The following MED12L variants were observed in gnomAD, a reference collection of about 807,000 sequenced individuals.
MED12L encodes mediator of RNA polymerase II transcription subunit 12-like protein.
MED12L carries 60 observed loss-of-function variants against 281.3 expected under a neutral mutation model. The observed-to-expected ratio is 0.21, with a 90% CI of 0.17 to 0.26. The LOEUF (loss-of-function observed/expected upper bound fraction) is 0.26. Ranked by LOEUF, MED12L falls within the 10% of genes least tolerant of loss-of-function variation. The probability of loss-of-function intolerance (pLI) is 1.00; values close to 1 mark genes in which losing one functional copy is unlikely to be tolerated. For synonymous variants in MED12L, 974 were observed against 987.2 expected (o/e 0.99, Z 0.25); for missense variants, 2,146 against 2,680.9 (o/e 0.80, Z 4.41).
chr3:151,247,868 C>T (rs1252441677), intron 16 of MED12L, among the ~76,000 whole-genome samples: 4 of 151,464 alleles, frequency 2.6e-5, no homozygotes, highest in Admixed American at 2.6e-4. Context: ...AAAGCTCTGC[C>T]TTCCCTTAGT....
At chr3:151,374,770 T>A (rs1210363946) in intron 27 of MED12L, among the ~76,000 whole-genome samples, 1 of 152,186 alleles carries the variant, frequency 6.6e-6, no homozygotes, top group African/African-American at 2.4e-5. Context: ...TCCTTTCTTG[T>A]CCCCAGCTCT....
At chr3:151,380,308 T>A in intron 32 of MED12L, 84 bp downstream of exon 32, 1 of 931,742 alleles carries the variant, frequency 1.1e-6, no homozygotes, top group Non-Finnish European at 1.6e-6. Flanking sequence ...GAGATTAAAT[T>A]AATAAGGGCC....
At chr3:151,212,729 G>A (rs1727382065) in intron 16 of MED12L, 1 of 151,792 alleles carries the variant, frequency 6.6e-6, no homozygotes, top group Non-Finnish European at 1.5e-5. Flanking sequence ...TTCCTTTGCA[G>A]TGCCATGAAA....
chr3:151,107,852 G>A (rs911193287), intron 2 of MED12L, among the ~76,000 whole-genome samples: 5 of 152,056 alleles, frequency 3.3e-5, no homozygotes, highest in East Asian at 1.9e-4. Context: ...AGTCTCAATC[G>A]TAGGTAAGCC....
chr3:151,258,233 C>T (rs1210829365), intron 16 of MED12L, among the ~76,000 whole-genome samples: 1 of 152,124 alleles, frequency 6.6e-6, no homozygotes, highest in Non-Finnish European at 1.5e-5. Flanking sequence ...GGAACTAGCT[C>T]GGGCATAATC....
At chr3:151,222,656 T>C (rs946869176) in intron 16 of MED12L, among the ~76,000 whole-genome samples, 1 of 152,228 alleles carries the variant, frequency 6.6e-6, no homozygotes, top group African/African-American at 2.4e-5. Flanking sequence ...CCAGTAAACC[T>C]CTTTCTTTTG....
chr3:151,208,162 A>G (rs1349206562), intron 16 of MED12L, among the ~76,000 whole-genome samples: 1 of 152,226 alleles, frequency 6.6e-6, no homozygotes, highest in Non-Finnish European at 1.5e-5. Context: ...TTAGCCAGAT[A>G]TGAACTACAC....
intron 16 of MED12L, among the ~76,000 whole-genome samples, chr3:151,299,457 C>A (rs1745607482): frequency 8.4e-6 from 1 of 118,884 alleles, no homozygotes; most frequent in East Asian, 3.0e-4. Context: ...TTTTCTATTT[C>A]CTCTCTCTCT....
chr3:151,384,120 T>A lies in MED12L; in HGVS notation c.4828T>A (p.Leu1610Ile). ...AACAGTTCTTGACATGCTGGGTGTTTTAATCAATGGAACGTTAGCCTCTGA... is the reference window on the plus strand; with the variant it reads ...AACAGTTCTTGACATGCTGGGTGTTATAATCAATGGAACGTTAGCCTCTGA... ...FTTVLDMLGV[L>I]INGTLASDLS... Residue 1610 changes from leucine (L) to isoleucine (I), a missense_variant, in exon 35 of 45, where the codon TTA (leucine) becomes ATA (isoleucine). By Grantham distance (5) the Leu-to-Ile change is conservative. Coordinates refer to ENST00000687756, the MANE Select transcript of MED12L (RefSeq NM_001393769.1). 1 of 1,614,062 alleles carries A rather than the reference T, an allele frequency of 6.2e-7. No homozygotes were observed. The highest frequency in any genetic ancestry group is 8.5e-7 in the Non-Finnish European group (1 of 1,179,954).
chr3:151,275,192 G>A (rs1741639998), intron 16 of MED12L, among the ~76,000 whole-genome samples: 1 of 152,120 alleles, frequency 6.6e-6, no homozygotes, highest in African/African-American at 2.4e-5. Flanking sequence ...TGATCCTGGA[G>A]AGTATCGAGG....
rs112306093 is a variant in MED12L at position 151,394,741 on chromosome 3, C to T, written c.5694C>T (p.Gly1898=). 1.5e-5 allele frequency: 25 copies of T among 1,614,164 alleles called. No homozygotes were observed. The highest frequency in any genetic ancestry group is 2.0e-5 in the Non-Finnish European group (24 of 1,180,064). ...ALSNMLQRRS[G]AMMQPPSLHA... is the part of the protein sequence containing the mutation. ...CAAACATGCTACAGCGGCGCTCAGG[C>T]GCCATGATGCAGCCGCCTTCTCTTC... is the stretch of plus-strand genomic sequence containing the variant. Residue 1898 remains glycine, a synonymous_variant, in exon 39 of 45, where the codon GGC becomes GGT. Coordinates refer to ENST00000687756, the MANE Select transcript of MED12L (RefSeq NM_001393769.1).
chr3:151,346,756 C>T (rs1752597812), intron 16 of MED12L, among the ~76,000 whole-genome samples: 1 of 152,096 alleles, frequency 6.6e-6, no homozygotes. Flanking sequence ...GAAGGTTTTG[C>T]ACCCCTCCCA....
rs531016986 is a variant in MED12L, at chr3:151,434,418, C to T, written c.*1614C>T. ...TGCTTTGTACACTGTGAAAATATTT[C>T]ACTCCAGCCTGCCCATTTTGTGTTT... On this transcript the variant is annotated 3_prime_UTR_variant, in exon 45 of 45. Transcript: ENST00000687756. The T allele has an allele frequency of 1.3e-5, 2 of 152,312 alleles. No homozygotes were observed. The highest frequency in any genetic ancestry group is 4.1e-4 in the South Asian group (2 of 4,832). The allele number at this position is 152,312 out of a possible 1,614,324, so 9.4% of individuals were successfully genotyped here.
In MED12L at chr3:151,416,537, T is replaced by C. The variant is rs1717578911; in HGVS notation, c.6408+115T>C. 6.4e-6 allele frequency: 7 copies of C among 1,095,526 alleles called. No individual in the cohort carries two copies. The South Asian group carries it at 7.8e-5, about 12-fold the overall frequency. The allele number at this position is 1,095,526 out of a possible 1,614,324, so 67.9% of individuals were successfully genotyped here. A position where few individuals can be genotyped will look rare whatever the true frequency, so the allele number is the denominator to read the frequency against. On this transcript the variant is annotated intron_variant, in intron 43 of 44. Coordinates refer to ENST00000687756, the MANE Select transcript of MED12L (RefSeq NM_001393769.1). Reference sequence around the variant, plus strand: ...ACAAAGCCTAAGTATACCCTAAAAATTTTTCCTAGAACTTTACTAGAGTTT... The same window carrying C: ...ACAAAGCCTAAGTATACCCTAAAAACTTTTCCTAGAACTTTACTAGAGTTT...
intron 3 of MED12L, among the ~76,000 whole-genome samples, chr3:151,122,329 G>A (rs1462411892): frequency 2.6e-5 from 4 of 152,068 alleles, no homozygotes; most frequent in East Asian, 1.9e-4. Flanking sequence ...TGTAAATACC[G>A]AGTTTCCTTT....
intron 16 of MED12L, among the ~76,000 whole-genome samples, chr3:151,298,405 T>G (rs1295442524): frequency 1.3e-5 from 2 of 152,246 alleles, no homozygotes; most frequent in Non-Finnish European, 2.9e-5. Context: ...AAAGGCTGTT[T>G]TCTCGCAATA....
intron 2 of MED12L, among the ~76,000 whole-genome samples, chr3:151,112,103 A>G (rs932659375): frequency 4.6e-5 from 7 of 152,052 alleles, no homozygotes; most frequent in Admixed American, 4.6e-4. Flanking sequence ...CTATGTTGGG[A>G]GACTATTTTG....
chr3:151,206,391 C>T (rs1463679996), intron 16 of MED12L, among the ~76,000 whole-genome samples: 1 of 151,828 alleles, frequency 6.6e-6, no homozygotes, highest in Non-Finnish European at 1.5e-5. Context: ...CCTGTCATTT[C>T]CCCTTGACAG....
At chr3:151,145,305 C>T (rs1480762869) in intron 5 of MED12L, among the ~76,000 whole-genome samples, 7 of 152,150 alleles carry the variant, frequency 4.6e-5, no homozygotes, top group Non-Finnish European at 1.0e-4. Context: ...TATTGTTACT[C>T]TGCATGATAA....
Sources: allele counts gnomAD v4.1 joint callset (sites outside exome capture counted in the v4.1 genomes callset), GRCh38; gene constraint gnomAD v4.1.1; transcripts MANE v1.5; gene names NCBI Gene and HGNC (gene_info 2026-07-23, HGNC 2026-07-21).